Variants in GRM4 observed in about 807,000 individuals in gnomAD.
GRM4 encodes the protein metabotropic glutamate receptor 4.
GRM4 carries 28 observed loss-of-function variants against 81.7 expected under a neutral mutation model. The ratio of observed to expected loss-of-function variants is 0.34; its 90% confidence interval spans 0.25 to 0.47. The LOEUF (loss-of-function observed/expected upper bound fraction) is 0.47, where lower values mean the gene tolerates loss of function less well. GRM4 is among the 20% of genes least tolerant of loss of function. The pLI is 1.00. For synonymous variants in GRM4, 488 were observed against 528.8 expected (o/e 0.92, Z 1.06); for missense variants, 948 against 1,290.0 (o/e 0.73, Z 4.06).
chr6:34,139,913 T>G (rs1366600065), intron 1 of GRM4, among the ~76,000 whole-genome samples: 1 of 152,194 alleles, frequency 6.6e-6, no homozygotes, highest in Non-Finnish European at 1.5e-5. Context: ...CAGCCTCTGC[T>G]CTGGGTGGGC....
Position 34,047,871 on chromosome 6 carries a change from A to G in GRM4, c.1169-7123T>C, listed in dbSNP as rs1341947778. 3.9e-5 allele frequency among the ~76,000 whole-genome samples: 6 copies of G among 152,208 alleles called. No individual in the cohort carries two copies. In the East Asian group the frequency reaches 1.2e-3, roughly 29 times the overall value. On this transcript the variant is annotated intron_variant, in intron 6 of 10. Coordinates refer to ENST00000538487, the MANE Select transcript of GRM4 (RefSeq NM_000841.4). This position sits in a 1 kb window ranked among gnomAD's most constrained non-coding sequence, Gnocchi z 4.5. ...CAAGCTCCAAGAGCTCTGTGGTAGCATCGCCTGGGGCTCTTCAACCTTGAG... is the reference window on the plus strand; with the variant it reads ...CAAGCTCCAAGAGCTCTGTGGTAGCGTCGCCTGGGGCTCTTCAACCTTGAG...
chr6:34,024,647 C>A, intron 10 of GRM4: 1 of 455,882 alleles, frequency 2.2e-6, no homozygotes, highest in Middle Eastern at 3.3e-4. Context: ...AGGTCAGGGT[C>A]CAGCTCAGTT....
intron 2 of GRM4, among the ~76,000 whole-genome samples, chr6:34,112,297 C>T (rs1225650356): frequency 2.0e-5 from 3 of 152,226 alleles, no homozygotes; most frequent in African/African-American, 7.2e-5. Context: ...CATCTCCCTG[C>T]TTACAGCTCT....
rs1768158099 is a variant in GRM4, at chr6:34,090,724, C to T, written c.736+1159G>A. On this transcript the variant is annotated intron_variant, in intron 3 of 10. Coordinates refer to ENST00000538487, the MANE Select transcript of GRM4 (RefSeq NM_000841.4). This position sits in a 1 kb window ranked among gnomAD's most constrained non-coding sequence, Gnocchi z 5.2. The stretch of plus-strand genomic sequence containing the variant: ...AAAGGGGCTTATCCGAGATTTATAG[C>T]AGGATTATGCCCACGGGGTGTTACC... 6.6e-6 allele frequency among the ~76,000 whole-genome samples: 1 copy of T among 152,032 alleles called. No individual in the cohort carries two copies. Among genetic ancestry groups the T allele is most frequent in the Admixed American group, 6.5e-5 (1 of 15,278 alleles).
chr6:34,126,415 A>G (rs771513723), intron 2 of GRM4, among the ~76,000 whole-genome samples: 2 of 151,730 alleles, frequency 1.3e-5, no homozygotes, highest in Non-Finnish European at 2.9e-5. Flanking sequence ...TTCAGCCCCC[A>G]CCCCCAACAT....
chr6:34,144,793 C>T (rs1265137480), intron 1 of GRM4, among the ~76,000 whole-genome samples: 3 of 152,216 alleles, frequency 2.0e-5, no homozygotes, highest in African/African-American at 7.2e-5. Context: ...CGGTGGAAGC[C>T]CCTGTATACA....
At chr6:34,147,900 T>TTGAATGAA (rs3041981), upstream of GRM4, among the ~76,000 whole-genome samples, 386 of 150,780 alleles carry the variant, frequency 2.6e-3, 1 homozygote, top group Middle Eastern at 6.8e-3. Flanking sequence ...TATACTTTTG[T>TTGAATGAA]TGAATGAATG....
At chr6:34,073,009 C>T (rs1196415227) in intron 3 of GRM4, among the ~76,000 whole-genome samples, 227 of 16,906 alleles carry the variant, frequency 0.013, 2 homozygotes, top group Non-Finnish European at 0.013. Context: ...CACAGATACA[C>T]ACCACACACA....
intron 6 of GRM4, 169 bp downstream of exon 6, chr6:34,056,375 G>A: frequency 5.1e-6 from 3 of 593,632 alleles, no homozygotes; most frequent in East Asian, 2.9e-5. Context: ...CGCCCCTCAA[G>A]GCCCCGCCCC....
intron 6 of GRM4, among the ~76,000 whole-genome samples, chr6:34,050,166 C>T (rs1037781591): frequency 6.6e-6 from 1 of 152,206 alleles, no homozygotes; most frequent in Non-Finnish European, 1.5e-5. Context: ...CAGGCATGAG[C>T]CCACCCCAGG....
In GRM4 at chr6:34,036,648, C is replaced by G. The variant is rs4711373; in HGVS notation, c.1507-45G>C. ...AAAGCAGGCCTCAGAACATGCCACCCGGTGCCCCGGACCATCCTACTGGGT... is the reference window on the plus strand; with the variant it reads ...AAAGCAGGCCTCAGAACATGCCACCGGGTGCCCCGGACCATCCTACTGGGT... On this transcript the variant is annotated intron_variant, in intron 8 of 10. Transcript: ENST00000538487. The surrounding 1 kb of genome is among the most constrained non-coding windows in gnomAD (Gnocchi z 9.0). The G allele has an allele frequency of 4.6e-6, 5 of 1,091,258 alleles. No homozygotes were observed. In the African/African-American group the frequency reaches 6.2e-5, roughly 13 times the overall value. 67.6% of individuals were successfully genotyped at this position (1,091,258 alleles called of 1,614,324 possible).
intron 3 of GRM4, among the ~76,000 whole-genome samples, chr6:34,082,166 C>A (rs1438665963): frequency 6.6e-6 from 1 of 151,814 alleles, no homozygotes; most frequent in South Asian, 2.1e-4. Context: ...GGGACAGATC[C>A]CTGTGTGCTC....
At chr6:34,039,313 A>G (rs1048497999) in intron 8 of GRM4, among the ~76,000 whole-genome samples, 1 of 152,132 alleles carries the variant, frequency 6.6e-6, no homozygotes, top group African/African-American at 2.4e-5. Context: ...TCCTCGCTGG[A>G]AGAGATTATG....
chr6:34,097,294 G>C lies in GRM4; in HGVS notation c.520-5195C>G, dbSNP rs73412861. ...GCAGGGAGGGGTATTTGAGGCCAAGGTGTTCCAGGCCCAGGGAGCAGCCAG... is the reference window on the plus strand; with the variant it reads ...GCAGGGAGGGGTATTTGAGGCCAAGCTGTTCCAGGCCCAGGGAGCAGCCAG... On this transcript the variant is annotated intron_variant, in intron 2 of 10. Coordinates refer to ENST00000538487, the MANE Select transcript of GRM4 (RefSeq NM_000841.4). 7.1e-3 allele frequency among the ~76,000 whole-genome samples: 1,080 copies of C among 152,126 alleles called. 13 individuals are homozygous for C. Among genetic ancestry groups the C allele is most frequent in the African/African-American group, 0.024 (1,010 of 41,488 alleles).
intron 2 of GRM4, chr6:34,099,962 G>T: frequency 1.4e-6 from 1 of 712,922 alleles, no homozygotes; most frequent in Non-Finnish European, 1.7e-6. Context: ...CAGACCCTCC[G>T]GGAATTCGAA....
chr6:34,022,813 T>C lies in GRM4; in HGVS notation c.*8A>G, dbSNP rs1763946594. On this transcript the variant is annotated 3_prime_UTR_variant, in exon 11 of 11. Coordinates refer to ENST00000538487, the MANE Select transcript of GRM4 (RefSeq NM_000841.4). The surrounding 1 kb of genome is among the most constrained non-coding windows in gnomAD (Gnocchi z 5.6). ...CTCCTCCTCCTGCTGCTCAGCTCCA[T>C]GGACTCGCTAGATTGCATGGTTGGT... 1.2e-6 allele frequency: 2 copies of C among 1,612,804 alleles called. No individual in the cohort carries two copies. The highest frequency in any genetic ancestry group is 1.7e-6 in the Non-Finnish European group (2 of 1,178,798).
intron 3 of GRM4, among the ~76,000 whole-genome samples, chr6:34,073,012 CACACACACACATCA>C (rs1767055772): frequency 9.8e-6 from 1 of 101,772 alleles, no homozygotes; most frequent in Non-Finnish European, 2.1e-5. Context: ...AGATACACAC[CACACACACACATCA>C]CCACAGATAC....
chr6:34,111,665 T>C lies in GRM4; in HGVS notation c.520-19566A>G, dbSNP rs1190543426. Among the ~76,000 whole-genome samples, 1 of 152,106 alleles carries C rather than the reference T, an allele frequency of 6.6e-6. No individual in the cohort carries two copies. The highest frequency in any genetic ancestry group is 1.9e-4 in the East Asian group (1 of 5,192). On this transcript the variant is annotated intron_variant, in intron 2 of 10. Coordinates refer to ENST00000538487, the MANE Select transcript of GRM4 (RefSeq NM_000841.4). This position sits in a 1 kb window ranked among gnomAD's most constrained non-coding sequence, Gnocchi z 5.1. Reference sequence around the variant, plus strand: ...AGCCTGGCAGGGGCAAAGCTCAAGGTGGGCAAGAGCTGATGGGCTGGGTGG... The same window carrying C: ...AGCCTGGCAGGGGCAAAGCTCAAGGCGGGCAAGAGCTGATGGGCTGGGTGG...
chr6:34,153,618 G>A (rs753266049), intron 1 of GRM4, among the ~76,000 whole-genome samples: 7 of 152,202 alleles, frequency 4.6e-5, no homozygotes, highest in Non-Finnish European at 7.3e-5. Flanking sequence ...GGGTGTGGTG[G>A]CTCACACCTG....
Sources: gnomAD v4.1 joint callset for allele counts (sites outside exome capture counted in the v4.1 genomes callset) on GRCh38, gnomAD v4.1.1 for gene constraint, Gnocchi (gnomAD v3.1) non-coding constraint, MANE v1.5 for transcripts, NCBI Gene and HGNC (gene_info 2026-07-23, HGNC 2026-07-21) for gene names.